Variants in MAGI1 observed in about 807,000 individuals in gnomAD.
MAGI1 encodes the protein membrane-associated guanylate kinase, WW and PDZ domain-containing protein 1.
MAGI1 carries 58 observed loss-of-function variants against 139.9 expected under a neutral mutation model. The ratio of observed to expected loss-of-function variants is 0.41; its 90% CI spans 0.34 to 0.52. MAGI1 has a LOEUF of 0.52. MAGI1 is among the 20% of genes least tolerant of loss of function. The probability of loss-of-function intolerance (pLI) is 0.12; values close to 1 mark genes in which losing one functional copy is unlikely to be tolerated. For missense variants in MAGI1, 1,874 were observed against 1,901.6 expected (o/e 0.99, Z 0.27); for synonymous variants, 812 against 737.9 (o/e 1.10, Z -1.63).
chr3:65,614,011 C>T (rs1160782166), intron 2 of MAGI1, among the ~76,000 whole-genome samples: 1 of 152,124 alleles, frequency 6.6e-6, no homozygotes, highest in East Asian at 1.9e-4. Context: ...GTCCATACTT[C>T]TTCTAAACAT....
chr3:65,561,931 A>G lies in MAGI1; in HGVS notation c.430+60041T>C, dbSNP rs973821092. ...TACTCTCGTTCAACCACAGTTTGAC[A>G]ATAGGTGCTTATGGTACAATAAGAT... On this transcript the variant is annotated intron_variant, in intron 2 of 22. Transcript: ENST00000402939. Among the ~76,000 whole-genome samples the G allele has an allele frequency of 3.3e-5, 5 of 152,300 alleles. No homozygotes were observed. In the East Asian group the frequency reaches 9.7e-4, roughly 29 times the overall value.
At chr3:65,443,849 C>G (rs1948503166) in intron 7 of MAGI1, among the ~76,000 whole-genome samples, 1 of 152,170 alleles carries the variant, frequency 6.6e-6, no homozygotes, top group South Asian at 2.1e-4. Flanking sequence ...TAGAATACTA[C>G]AAACTTGAAA....
At chr3:65,901,832 T>G (rs1181956159) in intron 1 of MAGI1, among the ~76,000 whole-genome samples, 1 of 152,214 alleles carries the variant, frequency 6.6e-6, no homozygotes, top group Non-Finnish European at 1.5e-5. Context: ...CACAAATGCC[T>G]GCTATCCCAC....
chr3:65,584,755 A>C (rs942754038), intron 2 of MAGI1, among the ~76,000 whole-genome samples: 4 of 152,262 alleles, frequency 2.6e-5, no homozygotes, highest in Non-Finnish European at 5.9e-5. Flanking sequence ...GATTCAGGAT[A>C]GTGCCTCGCA....
At chr3:65,521,183 A>G (rs1413317802) in intron 2 of MAGI1, among the ~76,000 whole-genome samples, 1 of 147,368 alleles carries the variant, frequency 6.8e-6, no homozygotes, top group African/African-American at 2.7e-5. Flanking sequence ...GATCTCTGTT[A>G]GAGATACTAC....
intron 1 of MAGI1, among the ~76,000 whole-genome samples, chr3:66,027,041 G>C (rs1047330377): frequency 4.6e-5 from 7 of 151,504 alleles, no homozygotes; most frequent in Non-Finnish European, 8.8e-5. Flanking sequence ...AGGCCGAGGC[G>C]GGCGGATCAC....
In MAGI1 at chr3:65,548,511, C is replaced by CTTTTTT. The variant is rs1170215972; in HGVS notation, c.431-54886_431-54881dup. ...AGCCCAGCTTTATGCAAACAACACTCTTTTTTTTTTTTTTTTTTTTTTTTT... is the reference window on the plus strand; with the variant it reads ...AGCCCAGCTTTATGCAAACAACACTCTTTTTTTTTTTTTTTTTTTTTTTTTTTTTTT... On this transcript the variant is annotated intron_variant, in intron 2 of 22. Transcript: ENST00000402939. 1.1e-3 allele frequency among the ~76,000 whole-genome samples: 100 copies of CTTTTTT among 87,388 alleles called. 10 individuals are homozygous for CTTTTTT. The highest frequency in any genetic ancestry group is 2.1e-3 in the African/African-American group (44 of 21,302). The allele number at this position is 87,388 out of a possible 152,430, so 57.3% of individuals were successfully genotyped here.
intron 2 of MAGI1, among the ~76,000 whole-genome samples, chr3:65,583,946 T>C (rs2081554002): frequency 1.3e-5 from 2 of 152,060 alleles, no homozygotes; most frequent in South Asian, 2.1e-4. Context: ...TGAAAGGCAG[T>C]TCAATCTGGA....
At chr3:65,360,714 A>G in intron 22 of MAGI1, 2 of 1,003,838 alleles carry the variant, frequency 2.0e-6, no homozygotes, top group Non-Finnish European at 2.4e-6. Flanking sequence ...TATACAGAGC[A>G]TAAGGGAGGT....
intron 1 of MAGI1, among the ~76,000 whole-genome samples, chr3:65,750,312 G>C (rs1396131986): frequency 6.6e-6 from 1 of 152,114 alleles, no homozygotes; most frequent in Non-Finnish European, 1.5e-5. Context: ...TTTTTAAAAA[G>C]GGAACAAGTA....
At chr3:65,782,116 A>G (rs1313544044) in intron 1 of MAGI1, among the ~76,000 whole-genome samples, 1 of 152,210 alleles carries the variant, frequency 6.6e-6, no homozygotes, top group Non-Finnish European at 1.5e-5. Context: ...AGTAAGCATA[A>G]TAGGCAGAAT....
intron 16 of MAGI1, chr3:65,380,936 A>C (rs201476850): frequency 7.2e-6 from 1 of 139,188 alleles, no homozygotes; most frequent in African/African-American, 2.6e-5. Flanking sequence ...CTTTTTTTTT[A>C]AAAGAAGTTA....
intron 1 of MAGI1, among the ~76,000 whole-genome samples, chr3:65,806,036 G>A (rs2108162434): frequency 6.6e-6 from 1 of 152,114 alleles, no homozygotes; most frequent in South Asian, 2.1e-4. Flanking sequence ...AACCACCATA[G>A]CAAATGTTTA....
chr3:65,505,578 T>G lies in MAGI1; in HGVS notation c.431-11947A>C, dbSNP rs1033733889. ...GAGGACCACTTAAGACCAGCAGAGG[T>G]TGAGACAGCAGTGAGCCATGATCGT... is the stretch of plus-strand genomic sequence containing the variant. On this transcript the variant is annotated intron_variant, in intron 2 of 22. Coordinates refer to ENST00000402939, the MANE Select transcript of MAGI1 (RefSeq NM_001033057.2). Among the ~76,000 whole-genome samples, 3 of 151,266 alleles carry G rather than the reference T, an allele frequency of 2.0e-5. No individual in the cohort carries two copies. In the East Asian group the frequency reaches 5.8e-4, roughly 29 times the overall value.
At chr3:65,860,632 G>A (rs943528215) in intron 1 of MAGI1, among the ~76,000 whole-genome samples, 13 of 152,318 alleles carry the variant, frequency 8.5e-5, no homozygotes, top group African/African-American at 3.1e-4. Flanking sequence ...GCCAGAGAAA[G>A]GTCCCCTAGG....
At chr3:65,644,234 G>C (rs1393112358) in intron 1 of MAGI1, among the ~76,000 whole-genome samples, 1 of 151,900 alleles carries the variant, frequency 6.6e-6, no homozygotes, top group Non-Finnish European at 1.5e-5. Flanking sequence ...AAAATGTCCA[G>C]ATTTTAATTG....
At chr3:65,688,743 T>A (rs2088298300) in intron 1 of MAGI1, among the ~76,000 whole-genome samples, 1 of 152,204 alleles carries the variant, frequency 6.6e-6, no homozygotes, top group Non-Finnish European at 1.5e-5. Context: ...CCAACATATT[T>A]TCCTAATATT....
chr3:65,507,639 T>C (rs1252967319), intron 2 of MAGI1, among the ~76,000 whole-genome samples: 1 of 152,208 alleles, frequency 6.6e-6, no homozygotes, highest in Non-Finnish European at 1.5e-5. Context: ...TCTATAACTA[T>C]AAATCACAAT....
intron 10 of MAGI1, 32 bp downstream of exon 10, chr3:65,437,123 C>A: frequency 6.8e-7 from 1 of 1,466,740 alleles, no homozygotes; most frequent in Non-Finnish European, 9.4e-7. Context: ...TGAGCTAAAA[C>A]CATGACACAA....
Sources: gnomAD v4.1 joint callset for allele counts (sites outside exome capture counted in the v4.1 genomes callset) on GRCh38, gnomAD v4.1.1 for gene constraint, MANE v1.5 for transcripts, NCBI Gene and HGNC (gene_info 2026-07-23, HGNC 2026-07-21) for gene names.